KLRG1: variants seen among roughly 807,000 people sequenced by gnomAD.
KLRG1 encodes killer cell lectin like receptor G1, also known as killer cell lectin-like receptor subfamily G member 1.
In KLRG1, 16 loss-of-function variants were observed where a neutral mutation model predicts 21.8. That is an observed-to-expected ratio of 0.73 (90% CI 0.50 to 1.11). The LOEUF is 1.11. KLRG1 is among the 50% of genes most tolerant of loss of function. The pLI is 0.00. For synonymous variants in KLRG1, 69 were observed against 75.9 expected, an observed-to-expected ratio of 0.91 and a Z score of 0.47; for missense variants, 173 against 218.3, an observed-to-expected ratio of 0.79 and a Z score of 1.31.
chr12:9,069,684 G>A, the KLRG1 span: 1 of 1,320,704 alleles, frequency 7.6e-7, no homozygotes, highest in Middle Eastern at 1.9e-4. Context: ...TACCTTCCCA[G>A]ATGTTCCCTT....
the KLRG1 span, among the ~76,000 whole-genome samples, chr12:9,096,777 TG>T: frequency 6.6e-6 from 1 of 152,252 alleles, no homozygotes; most frequent in Non-Finnish European, 1.5e-5. Flanking sequence ...CTGCTTTTAT[TG>T]TGGCATATTG....
At chr12:9,079,310 T>C in the KLRG1 span, 2 of 1,613,802 alleles carry the variant, frequency 1.2e-6, no homozygotes, top group South Asian at 2.2e-5. Context: ...ATAGTGTTTG[T>C]AGTTCAACTG....
chr12:9,111,870 CTG>C, the KLRG1 span: 1 of 444,758 alleles, frequency 2.2e-6, no homozygotes, highest in South Asian at 2.1e-5. Context: ...GAGGATTTTT[CTG>C]TGTCTGCTAT....
chr12:8,964,725 T>C (rs1422683408), intron 1 of KLRG1, among the ~76,000 whole-genome samples: 4 of 150,916 alleles, frequency 2.7e-5, no homozygotes, highest in East Asian at 3.9e-4. Flanking sequence ...TGCTCCTGTA[T>C]TGGGTGCATA....
chr12:8,970,112 T>C (rs956816461), intron 1 of KLRG1, among the ~76,000 whole-genome samples: 1 of 152,202 alleles, frequency 6.6e-6, no homozygotes, highest in African/African-American at 2.4e-5. Context: ...GGAGACCTTG[T>C]CTCAAAAAAC....
intron 1 of KLRG1, among the ~76,000 whole-genome samples, chr12:8,954,709 T>C (rs1246949127): frequency 1.3e-5 from 2 of 152,106 alleles, no homozygotes; most frequent in African/African-American, 4.8e-5. Context: ...AGCTAGGAAA[T>C]TGTTTATTTC....
chr12:9,133,686 A>G, the KLRG1 span, among the ~76,000 whole-genome samples: 6 of 152,220 alleles, frequency 3.9e-5, no homozygotes, highest in African/African-American at 1.4e-4. Flanking sequence ...AGAGGGAAGC[A>G]TGTGCTAAAC....
downstream of KLRG1, among the ~76,000 whole-genome samples, chr12:9,011,696 C>T (rs750510053): frequency 3.3e-5 from 5 of 152,298 alleles, no homozygotes; most frequent in South Asian, 6.2e-4. Flanking sequence ...GTTTTAACAT[C>T]ATATCAACAA....
chr12:9,202,789 G>A, the KLRG1 span: 3 of 1,092,538 alleles, frequency 2.7e-6, no homozygotes, highest in Non-Finnish European at 3.9e-6. Flanking sequence ...TCACCAAGGA[G>A]AAGGAAGGTG....
At chr12:9,180,372 A>G in the KLRG1 span, among the ~76,000 whole-genome samples, 2 of 152,202 alleles carry the variant, frequency 1.3e-5, no homozygotes, top group East Asian at 3.9e-4. Context: ...ACAAAGCTGG[A>G]GGCATCACAC....
chr12:9,212,980 C>G, the KLRG1 span, among the ~76,000 whole-genome samples: 1 of 152,100 alleles, frequency 6.6e-6, no homozygotes, highest in African/African-American at 2.4e-5. Context: ...AATACTAATT[C>G]GTGCATTCTC....
chr12:8,998,425 A>G (rs1397110447), intron 3 of KLRG1, among the ~76,000 whole-genome samples: 1 of 152,086 alleles, frequency 6.6e-6, no homozygotes. Flanking sequence ...ATGGTGGCTC[A>G]CACCTGTAAT....
intron 1 of KLRG1, among the ~76,000 whole-genome samples, chr12:8,973,749 G>A (rs893684591): frequency 3.9e-5 from 6 of 152,094 alleles, no homozygotes; most frequent in Non-Finnish European, 5.9e-5. Flanking sequence ...ATAATTCTCA[G>A]TGTGTAAGTC....
At chr12:9,204,985 TACTC>T in the KLRG1 span, among the ~76,000 whole-genome samples, 2 of 151,854 alleles carry the variant, frequency 1.3e-5, no homozygotes, top group Non-Finnish European at 2.9e-5. Flanking sequence ...TAGTAGCAGT[TACTC>T]AGGAGGCTGA....
At chr12:9,020,062 T>TAC in the KLRG1 span, among the ~76,000 whole-genome samples, 8 of 150,156 alleles carry the variant, frequency 5.3e-5, no homozygotes, top group East Asian at 1.9e-4. Flanking sequence ...TATATATATA[T>TAC]ACACACACAC....
intron 3 of KLRG1, 83 bp downstream of exon 3, chr12:8,995,371 A>G (rs1947099809): frequency 1.7e-6 from 2 of 1,197,120 alleles, no homozygotes; most frequent in Non-Finnish European, 2.4e-6. Flanking sequence ...TGTATCATGT[A>G]TCCTCTTTTA....
chr12:9,026,148 A>G, the KLRG1 span, among the ~76,000 whole-genome samples: 1 of 152,200 alleles, frequency 6.6e-6, no homozygotes, highest in Non-Finnish European at 1.5e-5. Context: ...AGGATGTTAC[A>G]GAATGGTTTC....
the KLRG1 span, among the ~76,000 whole-genome samples, chr12:9,209,325 A>G: frequency 6.6e-6 from 1 of 152,080 alleles, no homozygotes; most frequent in Non-Finnish European, 1.5e-5. Context: ...ATTCCTGGCC[A>G]CACTGCTGAA....
chr12:9,166,172 A>G, the KLRG1 span: 2 of 1,613,638 alleles, frequency 1.2e-6, no homozygotes, highest in Middle Eastern at 1.7e-4. Context: ...TAATTGAGGA[A>G]CATATGGTCT....
Sources: gnomAD v4.1 joint callset for allele counts (sites outside exome capture counted in the v4.1 genomes callset) on GRCh38, gnomAD v4.1.1 for gene constraint, MANE v1.5 for transcripts, NCBI Gene and HGNC (gene_info 2026-07-23, HGNC 2026-07-21) for gene names.